Variants in AUTS2 observed in about 807,000 individuals in gnomAD.
The protein encoded by AUTS2 is activator of transcription and developmental regulator AUTS2, also known as autism susceptibility gene 2 protein.
In AUTS2, 17 loss-of-function variants were observed where a neutral mutation model predicts 112.4. The observed-to-expected ratio is 0.15, with a 90% CI of 0.10 to 0.23. The LOEUF (loss-of-function observed/expected upper bound fraction) is 0.23, where lower values mean the gene tolerates loss of function less well. AUTS2 is among the 10% of genes least tolerant of loss of function. AUTS2 has a pLI of 1.00. For missense variants in AUTS2, 1,510 were observed against 1,701.6 expected, an observed-to-expected ratio of 0.89 and a Z score of 1.98; for synonymous variants, 751 against 702.7, an observed-to-expected ratio of 1.07 and a Z score of -1.09.
intron 5 of AUTS2, among the ~76,000 whole-genome samples, chr7:70,534,742 A>G (rs1396282773): frequency 6.6e-6 from 1 of 152,048 alleles, no homozygotes; most frequent in Non-Finnish European, 1.5e-5. Flanking sequence ...TGTTTTTTAA[A>G]TAGGCACTAG....
intron 4 of AUTS2, among the ~76,000 whole-genome samples, chr7:70,147,033 C>T (rs1157352384): frequency 6.6e-6 from 1 of 152,082 alleles, no homozygotes; most frequent in African/African-American, 2.4e-5. Context: ...ATACAGTACA[C>T]ATTACCAAGT....
intron 1 of AUTS2, among the ~76,000 whole-genome samples, chr7:69,648,555 G>A (rs762729205): frequency 6.6e-6 from 1 of 151,632 alleles, no homozygotes; most frequent in Non-Finnish European, 1.5e-5. Context: ...TAGAAAACGT[G>A]CAAGAAAAGA....
intron 5 of AUTS2, among the ~76,000 whole-genome samples, chr7:70,444,373 T>TGTGTGTGTGTGTGTGTGTGAGAGA (rs372696006): frequency 5.5e-4 from 78 of 142,484 alleles, no homozygotes; most frequent in African/African-American, 1.9e-3. Context: ...TGTGTGTGTG[T>TGTGTGTGTGTGTGTGTGTGAGAGA]GAGAGAGAGA....
In AUTS2 at chr7:70,515,439, A is replaced by G. The variant is rs1446364881; in HGVS notation, c.690+79658A>G. Among the ~76,000 whole-genome samples the G allele has an allele frequency of 2.0e-5, 3 of 152,188 alleles. No homozygotes were observed. In the East Asian group the frequency reaches 5.8e-4, roughly 29 times the overall value. Reference sequence around the variant, plus strand: ...GGCAATGCTAGTGAGAATTCAGTGGAGCATTTTAATCAGCCCTTTCCTATT... The same window carrying G: ...GGCAATGCTAGTGAGAATTCAGTGGGGCATTTTAATCAGCCCTTTCCTATT... On this transcript the variant is annotated intron_variant, in intron 5 of 18. Transcript: ENST00000342771.
chr7:70,456,140 G>C, intron 5 of AUTS2, among the ~76,000 whole-genome samples: 1 of 152,146 alleles, frequency 6.6e-6, no homozygotes, highest in East Asian at 1.9e-4. Context: ...CCCTAACCCA[G>C]CACGGAAGTT....
chr7:70,022,968 T>C (rs1173242748), intron 2 of AUTS2, among the ~76,000 whole-genome samples: 1 of 152,146 alleles, frequency 6.6e-6, no homozygotes, highest in Non-Finnish European at 1.5e-5. Context: ...CTTCTTGCTT[T>C]AGTCTCTAGA....
chr7:70,692,535 A>G (rs2129546561), intron 5 of AUTS2, among the ~76,000 whole-genome samples: 1 of 152,312 alleles, frequency 6.6e-6, no homozygotes, highest in African/African-American at 2.4e-5. Flanking sequence ...GCAACTGGAA[A>G]ATCCATCTCC....
chr7:70,059,471 T>C (rs1328072087), intron 2 of AUTS2, among the ~76,000 whole-genome samples: 1 of 152,194 alleles, frequency 6.6e-6, no homozygotes, highest in Non-Finnish European at 1.5e-5. Context: ...TATGCGCAGA[T>C]TTCTGTGTGG....
chr7:70,104,122 C>T (rs1004907205), intron 2 of AUTS2, among the ~76,000 whole-genome samples: 2 of 150,574 alleles, frequency 1.3e-5, no homozygotes, highest in African/African-American at 2.4e-5. Flanking sequence ...AGCTGCTGTC[C>T]AGGCTATTTT....
chr7:70,134,374 A>G (rs1306557745), intron 3 of AUTS2, among the ~76,000 whole-genome samples, 162 bp from the exon 4 acceptor site: 1 of 152,178 alleles, frequency 6.6e-6, no homozygotes, highest in African/African-American at 2.4e-5. Context: ...AAAATTAAGC[A>G]ACACGGTGTT....
At chr7:70,130,290 G>A (rs920314623) in intron 3 of AUTS2, among the ~76,000 whole-genome samples, 2 of 152,160 alleles carry the variant, frequency 1.3e-5, no homozygotes, top group East Asian at 3.8e-4. Flanking sequence ...TCTCTGTGTG[G>A]ATTTATAATG....
chr7:70,468,070 G>C (rs551816673), intron 5 of AUTS2, among the ~76,000 whole-genome samples: 66 of 152,246 alleles, frequency 4.3e-4, no homozygotes, highest in African/African-American at 1.6e-3. Context: ...GCCTTATTTT[G>C]TTATTATGCG....
intron 2 of AUTS2, among the ~76,000 whole-genome samples, chr7:69,984,892 G>T (rs1327583078): frequency 6.6e-6 from 1 of 152,224 alleles, no homozygotes; most frequent in African/African-American, 2.4e-5. Flanking sequence ...TGCCATTGCT[G>T]TGAGATCTTT....
rs1373656117 is a variant in AUTS2, at chr7:70,116,869, G to A, written c.523-1263G>A. ...GCTTATCTTTTACTGCCTTTTTCTTGTTATATTGGAAACATTGTCAAGGGG... is the reference window on the plus strand; with the variant it reads ...GCTTATCTTTTACTGCCTTTTTCTTATTATATTGGAAACATTGTCAAGGGG... On this transcript the variant is annotated intron_variant, in intron 2 of 18. Coordinates refer to ENST00000342771, the MANE Select transcript of AUTS2 (RefSeq NM_015570.4). 2.0e-5 allele frequency among the ~76,000 whole-genome samples: 3 copies of A among 152,100 alleles called. 1 individual carries two copies. Among genetic ancestry groups the A allele is most frequent in the South Asian group, 4.1e-4 (2 of 4,830 alleles).
At chr7:70,444,506 G>A (rs928675102) in intron 5 of AUTS2, among the ~76,000 whole-genome samples, 19 of 152,090 alleles carry the variant, frequency 1.2e-4, no homozygotes, top group Non-Finnish European at 2.6e-4. Flanking sequence ...ATATTAGGAT[G>A]TGTTAATAAT....
rs67558137 is a variant in AUTS2, at chr7:69,927,186, T to TTATATATATATA, written c.522+27697_522+27708dup. On this transcript the variant is annotated intron_variant, in intron 2 of 18. Transcript: ENST00000342771. ...TTGAATGGAAAATACTCCAATATAT[T>TTATATATATATA]TATATATATATATATATATACATAC... Among the ~76,000 whole-genome samples the TTATATATATATA allele has an allele frequency of 8.4e-3, 1,201 of 142,328 alleles. 4 individuals are homozygous for TTATATATATATA. The highest frequency in any genetic ancestry group is 0.038 in the East Asian group (186 of 4,874). 93.4% of individuals were successfully genotyped at this position (142,328 alleles called of 152,430 possible). A position where few individuals can be genotyped will look rare whatever the true frequency, so the allele number is the denominator to read the frequency against.
chr7:69,640,530 A>T (rs1430254299), intron 1 of AUTS2, among the ~76,000 whole-genome samples: 1 of 152,250 alleles, frequency 6.6e-6, no homozygotes, highest in Non-Finnish European at 1.5e-5. Flanking sequence ...TTTCCCAGAA[A>T]GTATTCCTTA....
At chr7:70,435,651 A>G in intron 4 of AUTS2, 101 bp from the exon 5 acceptor site, 1 of 1,171,466 alleles carries the variant, frequency 8.5e-7, no homozygotes, top group Admixed American at 1.8e-5. Context: ...TCCTTTACTT[A>G]TCTTGCACTT....
chr7:70,088,270 C>G (rs1054539307), intron 2 of AUTS2, among the ~76,000 whole-genome samples: 2 of 151,708 alleles, frequency 1.3e-5, no homozygotes, highest in Non-Finnish European at 2.9e-5. Context: ...ACTCCAGGCA[C>G]CCACCACCAC....
Sources: gnomAD v4.1 joint callset for allele counts (sites outside exome capture counted in the v4.1 genomes callset) on GRCh38, gnomAD v4.1.1 for gene constraint, MANE v1.5 for transcripts, NCBI Gene and HGNC (gene_info 2026-07-23, HGNC 2026-07-21) for gene names.